The following PUDP variants were observed in gnomAD, a reference collection of about 807,000 sequenced individuals.
The protein encoded by PUDP is pseudouridine 5'-phosphatase, also known as pseudouridine-5'-phosphatase.
In PUDP, 8 loss-of-function variants were observed where a neutral mutation model predicts 9.4. That is an observed-to-expected ratio of 0.85 (90% CI 0.50 to 1.53). The LOEUF (loss-of-function observed/expected upper bound fraction) is 1.53. Among genes scored for constraint, PUDP ranks in the 40% most tolerant of loss-of-function variants. The pLI is 0.00. For synonymous variants in PUDP, 99 were observed against 80.7 expected (o/e 1.23, Z -1.22); for missense variants, 188 against 189.7 (o/e 0.99, Z 0.05).
At chrX:6,817,099 T>C (rs1212817033) in intron 3 of PUDP, among the ~76,000 whole-genome samples, 1 of 106,219 alleles carries the variant, frequency 9.4e-6, no homozygotes, top group African/African-American at 3.4e-5. Context: ...TATTTTGAGA[T>C]AGTATCTCAC....
At chrX:6,769,334 T>C (rs1224344652) in intron 3 of PUDP, among the ~76,000 whole-genome samples, 1 of 112,145 alleles carries the variant, frequency 8.9e-6, no homozygotes, top group Non-Finnish European at 1.9e-5. Context: ...GTCTCCTGCA[T>C]CCTGAAAGCC....
downstream of PUDP, among the ~76,000 whole-genome samples, chrX:7,044,895 T>G (rs892513499): frequency 8.9e-6 from 1 of 112,869 alleles, no homozygotes; most frequent in African/African-American, 3.2e-5. Context: ...TATTGGTTGG[T>G]GGGCTTAGCA....
chrX:7,021,448 A>C (rs1929632530), intron 1 of PUDP, among the ~76,000 whole-genome samples: 1 of 111,521 alleles, frequency 9.0e-6, no homozygotes, highest in South Asian at 3.8e-4. Context: ...TTTCTATCAC[A>C]TTGCCATCCC....
intron 3 of PUDP, among the ~76,000 whole-genome samples, chrX:6,814,294 C>T (rs1324447847): frequency 1.8e-5 from 2 of 110,679 alleles, no homozygotes; most frequent in East Asian, 5.7e-4. Flanking sequence ...CAATGAAATG[C>T]GAGCCATCTT....
At chrX:7,025,691 G>A (rs1929699717) in intron 1 of PUDP, among the ~76,000 whole-genome samples, 1 of 111,666 alleles carries the variant, frequency 9.0e-6, no homozygotes, top group Admixed American at 9.5e-5. Context: ...TAACCCCAAG[G>A]GAGACAAGCT....
At chrX:6,825,115 C>T (rs994902699) in intron 3 of PUDP, among the ~76,000 whole-genome samples, 1 of 111,450 alleles carries the variant, frequency 9.0e-6, no homozygotes, top group Non-Finnish European at 1.9e-5. Context: ...GATTCAGCCA[C>T]GAGAAATGGG....
At chrX:7,005,297 A>C (rs1232337817) in intron 1 of PUDP, among the ~76,000 whole-genome samples, 2 of 111,595 alleles carry the variant, frequency 1.8e-5, no homozygotes, top group African/African-American at 6.5e-5. Flanking sequence ...AAGGATATGG[A>C]AGCAGGAAGA....
chrX:6,710,873 T>C (rs1249440425), intron 1 of PUDP, among the ~76,000 whole-genome samples: 1 of 111,981 alleles, frequency 8.9e-6, no homozygotes, highest in Non-Finnish European at 1.9e-5. Context: ...CCTCCATAGC[T>C]GGAGGTTGTG....
chrX:6,940,563 C>T (rs1928384419), intron 3 of PUDP, among the ~76,000 whole-genome samples: 1 of 111,691 alleles, frequency 9.0e-6, no homozygotes, highest in African/African-American at 3.3e-5. Flanking sequence ...TTGAAGATAG[C>T]GAAGTTGGAG....
chrX:6,836,015 G>A (rs757281999), intron 3 of PUDP, among the ~76,000 whole-genome samples: 12 of 110,469 alleles, frequency 1.1e-4, no homozygotes, highest in East Asian at 8.5e-4. Flanking sequence ...CACTACACCC[G>A]GCCGTCACCA....
At chrX:7,024,307 T>C (rs750875236) in intron 1 of PUDP, among the ~76,000 whole-genome samples, 13 of 111,885 alleles carry the variant, frequency 1.2e-4, no homozygotes, top group Middle Eastern at 4.6e-3. Context: ...TTAACAAGAA[T>C]TTTAGATTTT....
In PUDP at chrX:6,927,960, TTC is replaced by T. The variant is rs201274366; in HGVS notation, c.*247+49171_*247+49172del. Among the ~76,000 whole-genome samples the T allele has an allele frequency of 1.4e-3, 112 of 81,168 alleles. No individual in the cohort carries two copies. The East Asian group carries it at 0.048, about 35-fold the overall frequency. 70.5% of individuals were successfully genotyped at this position (81,168 alleles called of 115,157 possible). A position where few individuals can be genotyped will look rare whatever the true frequency, so the allele number is the denominator to read the frequency against. Reference sequence around the variant, plus strand: ...ATTCTTGGAAAAGGCAGGTGTGGTCTTCTCTTTTTTTTTTTTTTTTGAGACAG... The same window carrying T: ...ATTCTTGGAAAAGGCAGGTGTGGTCTTCTTTTTTTTTTTTTTTTGAGACAG... On this transcript the variant is annotated intron_variant and NMD_transcript_variant, in intron 3 of 3. Coordinates refer to the PUDP transcript ENST00000655425.
intron 3 of PUDP, among the ~76,000 whole-genome samples, chrX:6,759,002 C>A (rs1319508888): frequency 8.9e-6 from 1 of 112,220 alleles, no homozygotes; most frequent in Non-Finnish European, 1.9e-5. Context: ...CCTGGCCCTG[C>A]AAAAGGTGTT....
chrX:6,789,648 G>A (rs1925706308), intron 3 of PUDP, among the ~76,000 whole-genome samples: 1 of 111,008 alleles, frequency 9.0e-6, no homozygotes, highest in African/African-American at 3.3e-5. Context: ...AATAGGTAGG[G>A]CAGCACAACC....
At chrX:6,903,391 A>G (rs1927719387) in intron 3 of PUDP, among the ~76,000 whole-genome samples, 1 of 111,665 alleles carries the variant, frequency 9.0e-6, no homozygotes, top group Non-Finnish European at 1.9e-5. Context: ...CAAAAGGTCT[A>G]TTTATAAAAA....
At chrX:6,998,022 T>C (rs1326510200) in intron 1 of PUDP, among the ~76,000 whole-genome samples, 1 of 111,937 alleles carries the variant, frequency 8.9e-6, no homozygotes, top group Non-Finnish European at 1.9e-5. Flanking sequence ...CCTTTGGAGC[T>C]AAAATAATTG....
chrX:6,842,215 AAT>A (rs982150232), intron 3 of PUDP, among the ~76,000 whole-genome samples: 1 of 112,344 alleles, frequency 8.9e-6, no homozygotes, highest in Non-Finnish European at 1.9e-5. Context: ...ATACTTTCCA[AAT>A]ATATGTTACT....
chrX:6,761,313 A>C (rs1442784891), intron 3 of PUDP, among the ~76,000 whole-genome samples: 3 of 112,310 alleles, frequency 2.7e-5, no homozygotes, highest in Non-Finnish European at 5.6e-5. Context: ...TTTTCATGAC[A>C]AGGAATGTGC....
At chrX:7,112,824 G>A (rs1459585852) in intron 1 of PUDP, among the ~76,000 whole-genome samples, 5 of 91,778 alleles carry the variant, frequency 5.4e-5, no homozygotes, top group African/African-American at 1.3e-4. Flanking sequence ...ACCACACCAG[G>A]CTGATTTTTA....
Sources: gnomAD v4.1 joint callset for allele counts (sites outside exome capture counted in the v4.1 genomes callset) on GRCh38, gnomAD v4.1.1 for gene constraint, MANE v1.5 for transcripts, NCBI Gene and HGNC (gene_info 2026-07-23, HGNC 2026-07-21) for gene names.